FAR1: variants seen among roughly 807,000 people sequenced by gnomAD.
The protein encoded by FAR1 is male sterility domain-containing protein 2.
FAR1 carries 22 observed loss-of-function variants against 61.1 expected under a neutral mutation model. The ratio of observed to expected loss-of-function variants is 0.36; its 90% CI spans 0.26 to 0.51. The LOEUF is 0.51. Among genes scored for constraint, FAR1 ranks in the 20% least tolerant of loss-of-function variants. The pLI is 0.95. For missense variants in FAR1, 359 were observed against 626.9 expected (o/e 0.57, Z 4.56); for synonymous variants, 206 against 209.7 (o/e 0.98, Z 0.15).
intron 4 of FAR1, among the ~76,000 whole-genome samples, chr11:13,710,201 T>C (rs1328996741): frequency 6.6e-6 from 1 of 152,078 alleles, no homozygotes; most frequent in Non-Finnish European, 1.5e-5. Context: ...ATTAACATGT[T>C]ACTTCATTAG....
chr11:13,678,409 T>C (rs1348085682), intron 1 of FAR1, among the ~76,000 whole-genome samples: 2 of 151,836 alleles, frequency 1.3e-5, no homozygotes, highest in Non-Finnish European at 2.9e-5. Context: ...GGACTACAGA[T>C]GCCTGCCACC....
In FAR1 at chr11:13,730,379, A is replaced by T. The variant is rs1158846989; in HGVS notation, c.*1605A>T. 1.3e-5 allele frequency: 2 copies of T among 152,362 alleles called. No individual in the cohort carries two copies. Among genetic ancestry groups the T allele is most frequent in the Admixed American group, 1.3e-4 (2 of 15,214 alleles). 9.4% of individuals were successfully genotyped at this position (152,362 alleles called of 1,614,324 possible). On this transcript the variant is annotated 3_prime_UTR_variant, in exon 12 of 12. Transcript: ENST00000354817. ...TTGAAGCCAGATTTTCTGTAGTAAA[A>T]CTTTTAAATATTATTTTAAAAGAAA... is the stretch of plus-strand genomic sequence containing the variant.
chr11:13,675,609 T>C (rs2134166673), intron 1 of FAR1, among the ~76,000 whole-genome samples: 1 of 152,314 alleles, frequency 6.6e-6, no homozygotes, highest in African/African-American at 2.4e-5. Context: ...TCGTGGTTAA[T>C]TTTTTGGCAC....
intron 3 of FAR1, among the ~76,000 whole-genome samples, chr11:13,707,599 A>C (rs552025970): frequency 6.6e-6 from 1 of 152,328 alleles, no homozygotes; most frequent in African/African-American, 2.4e-5. Context: ...TGACTTAAAA[A>C]TGTATGCATA....
chr11:13,707,906 T>A lies in FAR1; in HGVS notation c.372T>A (p.Ala124=). ...ACTTTTTCTTTTTAAACAGAGATGCTGTTCAGTTAAATGTGATTGCAACGC... is the reference window on the plus strand; with the variant it reads ...ACTTTTTCTTTTTAAACAGAGATGCAGTTCAGTTAAATGTGATTGCAACGC... ...TVRFNENLRD[A]VQLNVIATRQ... The change falls in exon 4 of 12, where the codon GCT becomes GCA. Residue 124 remains alanine (A), a synonymous_variant. Coordinates refer to ENST00000354817, the MANE Select transcript of FAR1 (RefSeq NM_032228.6). The A allele has an allele frequency of 6.4e-7, 1 of 1,553,508 alleles. No individual in the cohort carries two copies. The highest frequency in any genetic ancestry group is 8.7e-7 in the Non-Finnish European group (1 of 1,150,184).
intron 1 of FAR1, among the ~76,000 whole-genome samples, chr11:13,672,231 C>A (rs1848012972): frequency 6.6e-6 from 1 of 151,702 alleles, no homozygotes; most frequent in Non-Finnish European, 1.5e-5. Flanking sequence ...ATGGTATGAC[C>A]CCTTGTAATG....
At chr11:13,704,269 G>A (rs146378248) in intron 3 of FAR1, among the ~76,000 whole-genome samples, 7 of 152,108 alleles carry the variant, frequency 4.6e-5, no homozygotes, top group South Asian at 2.1e-4. Flanking sequence ...AGAGATGGAT[G>A]GACAGATGGT....
intron 9 of FAR1, chr11:13,715,653 TTTG>T (rs1400303746): frequency 2.0e-5 from 3 of 152,106 alleles, no homozygotes; most frequent in African/African-American, 7.2e-5. Flanking sequence ...AACAGAAAAC[TTTG>T]TTTTCTTATC....
rs533273688 is a variant in FAR1, at chr11:13,680,529, C to T, written c.-8+11723C>T. Among the ~76,000 whole-genome samples the T allele has an allele frequency of 3.3e-5, 5 of 152,276 alleles. No individual in the cohort carries two copies. The South Asian group carries it at 1.0e-3, about 32-fold the overall frequency. ...TTTGCAGGCTGTACAAGAAGCACGG[C>T]ATCAGTATCTGCTTCTGATGAGGGC... On this transcript the variant is annotated intron_variant, in intron 1 of 11. Transcript: ENST00000354817.
At chr11:13,678,141 T>C (rs1370826026) in intron 1 of FAR1, among the ~76,000 whole-genome samples, 1 of 152,222 alleles carries the variant, frequency 6.6e-6, no homozygotes, top group Non-Finnish European at 1.5e-5. Context: ...TTGCAGCAAC[T>C]GGATATACTA....
At chr11:13,680,860 A>G (rs1848119679) in intron 1 of FAR1, among the ~76,000 whole-genome samples, 1 of 152,192 alleles carries the variant, frequency 6.6e-6, no homozygotes, top group African/African-American at 2.4e-5. Flanking sequence ...GTCTTAATCA[A>G]AACATTAAGT....
rs989920054 is a variant in FAR1, at chr11:13,731,341, C to CT, written c.*2573dup. On this transcript the variant is annotated 3_prime_UTR_variant, in exon 12 of 12. Transcript: ENST00000354817. ...CAGGGAAAAGAATTTCCTTTTCCCC[C>CT]TTTTTTGTGTTGTCTATAGGAATTA... 8 of 152,406 alleles carry CT rather than the reference C, an allele frequency of 5.2e-5. No homozygotes were observed. The highest frequency in any genetic ancestry group is 1.7e-4 in the African/African-American group (7 of 41,402). The allele number at this position is 152,406 out of a possible 1,614,324, so 9.4% of individuals were successfully genotyped here.
intron 10 of FAR1, among the ~76,000 whole-genome samples, chr11:13,723,831 TTTA>T (rs1304786866): frequency 2.0e-5 from 3 of 152,174 alleles, no homozygotes; most frequent in African/African-American, 7.2e-5. Flanking sequence ...AATTTAGAGT[TTTA>T]TTGTTTTATT....
chr11:13,727,740 A>T (rs1328266370), intron 11 of FAR1, 57 bp downstream of exon 11: 1 of 1,507,204 alleles, frequency 6.6e-7, no homozygotes, highest in Non-Finnish European at 8.9e-7. Context: ...ATATTCCACA[A>T]TTTTTTTGGT....
chr11:13,711,129 A>G, intron 5 of FAR1: 1 of 422,336 alleles, frequency 2.4e-6, no homozygotes, highest in South Asian at 3.0e-5. Context: ...TTCTTAAGTC[A>G]GAGGAGATTT....
chr11:13,715,666 C>G (rs1848547550), intron 9 of FAR1: 1 of 152,036 alleles, frequency 6.6e-6, no homozygotes, highest in Admixed American at 6.6e-5. Flanking sequence ...GTTTTCTTAT[C>G]GTTGTTATAG....
At chr11:13,669,944 C>G (rs1311102088) in intron 1 of FAR1, among the ~76,000 whole-genome samples, 1 of 152,188 alleles carries the variant, frequency 6.6e-6, no homozygotes, top group Non-Finnish European at 1.5e-5. Flanking sequence ...AATCTGCCCT[C>G]CAGGGGAGTT....
intron 2 of FAR1, among the ~76,000 whole-genome samples, chr11:13,698,591 G>A (rs564514881): frequency 3.9e-4 from 60 of 152,274 alleles, no homozygotes; most frequent in African/African-American, 1.4e-3. Context: ...AGCGCTTTGG[G>A]AGGTCAAGGT....
chr11:13,685,330 A>G (rs1848174301), intron 1 of FAR1, among the ~76,000 whole-genome samples: 2 of 150,852 alleles, frequency 1.3e-5, no homozygotes, highest in Non-Finnish European at 3.0e-5. Flanking sequence ...CATATTTATT[A>G]TTGAACCCAG....
Sources: gnomAD v4.1 joint callset for allele counts (sites outside exome capture counted in the v4.1 genomes callset) on GRCh38, gnomAD v4.1.1 for gene constraint, MANE v1.5 for transcripts, NCBI Gene and HGNC (gene_info 2026-07-23, HGNC 2026-07-21) for gene names.